Variants in WDFY2 observed in about 807,000 individuals in gnomAD.
The protein encoded by WDFY2 is WD repeat and FYVE domain-containing protein 2.
Under a neutral mutation model 56.4 loss-of-function variants are expected in WDFY2, and 36 were observed. The ratio of observed to expected loss-of-function variants is 0.64; its 90% CI spans 0.49 to 0.84. The LOEUF is 0.84. Among genes scored for constraint, WDFY2 ranks in the 40% least tolerant of loss-of-function variants. WDFY2 has a pLI of 0.00. For missense variants in WDFY2, 444 were observed against 512.2 expected, an observed-to-expected ratio of 0.87 and a Z score of 1.29; for synonymous variants, 176 against 183.7, an observed-to-expected ratio of 0.96 and a Z score of 0.34.
chr13:51,659,280 T>C (rs536943795), intron 1 of WDFY2, among the ~76,000 whole-genome samples: 2 of 152,176 alleles, frequency 1.3e-5, no homozygotes, highest in African/African-American at 4.8e-5. Flanking sequence ...GTGGCAGATA[T>C]CCAATATAAT....
intron 1 of WDFY2, among the ~76,000 whole-genome samples, chr13:51,636,687 CTT>C (rs1413693433): frequency 1.3e-5 from 2 of 152,174 alleles, no homozygotes; most frequent in African/African-American, 2.4e-5. Context: ...ACAGAATGCT[CTT>C]TGTCTTTGGA....
rs1214946212 is a variant in WDFY2, at chr13:51,584,506, C to T, written c.-182C>T. 20 of 818,260 alleles carry T rather than the reference C, an allele frequency of 2.4e-5. No homozygotes were observed. The highest frequency in any genetic ancestry group is 3.1e-5 in the Non-Finnish European group (17 of 553,066). 50.7% of individuals were successfully genotyped at this position (818,260 alleles called of 1,614,324 possible). A position where few individuals can be genotyped will look rare whatever the true frequency, so the allele number is the denominator to read the frequency against. On this transcript the variant is annotated 5_prime_UTR_variant, in exon 1 of 12. Coordinates refer to ENST00000298125, the MANE Select transcript of WDFY2 (RefSeq NM_052950.4). ...TCCCAGGTCGTGGCGGTTTTGGTGCCTGAAGCAGGGAGCGCGGAGTCGTTC... is the reference window on the plus strand; with the variant it reads ...TCCCAGGTCGTGGCGGTTTTGGTGCTTGAAGCAGGGAGCGCGGAGTCGTTC...
chr13:51,718,544 T>C (rs1346138605), intron 4 of WDFY2, among the ~76,000 whole-genome samples: 7 of 147,480 alleles, frequency 4.7e-5, no homozygotes. Context: ...GGAAATTTGC[T>C]CTTATTATCA....
In WDFY2 at chr13:51,763,191, C is replaced by T. The variant is rs1159290626; in HGVS notation, c.*3422C>T. ...AAGGAATAGCTGTTTTTGAACATTA[C>T]TTAGTAATGGCATGAGTGGGAGGAG... On this transcript the variant is annotated 3_prime_UTR_variant, in exon 12 of 12. Transcript: ENST00000298125. The T allele has an allele frequency of 6.6e-6, 1 of 152,130 alleles. No homozygotes were observed. Among genetic ancestry groups the T allele is most frequent in the South Asian group, 2.1e-4 (1 of 4,828 alleles). The allele number at this position is 152,130 out of a possible 1,614,324, so 9.4% of individuals were successfully genotyped here. A position where few individuals can be genotyped will look rare whatever the true frequency, so the allele number is the denominator to read the frequency against.
chr13:51,596,902 A>T (rs915764710), intron 1 of WDFY2, among the ~76,000 whole-genome samples: 2 of 152,216 alleles, frequency 1.3e-5, no homozygotes, highest in Non-Finnish European at 2.9e-5. Context: ...GAATAAGTTA[A>T]AATTCCAATA....
At chr13:51,715,536 A>G (rs564215729) in intron 4 of WDFY2, among the ~76,000 whole-genome samples, 1 of 152,192 alleles carries the variant, frequency 6.6e-6, no homozygotes, top group Non-Finnish European at 1.5e-5. Context: ...GTCACCTCCT[A>G]TCATAACAAT....
At chr13:51,654,343 G>A (rs894035978) in intron 1 of WDFY2, among the ~76,000 whole-genome samples, 1 of 152,140 alleles carries the variant, frequency 6.6e-6, no homozygotes, top group East Asian at 1.9e-4. Context: ...CTGACCCCTT[G>A]TGCTTCCCGG....
At chr13:51,758,919 C>CA (rs1188106879) in intron 11 of WDFY2, among the ~76,000 whole-genome samples, 1 of 152,158 alleles carries the variant, frequency 6.6e-6, no homozygotes, top group Non-Finnish European at 1.5e-5. Context: ...TGTGTTGACT[C>CA]ACGCCTATAA....
At chr13:51,759,244 C>T (rs560580274) in intron 11 of WDFY2, among the ~76,000 whole-genome samples, 1 of 152,032 alleles carries the variant, frequency 6.6e-6, no homozygotes, top group African/African-American at 2.4e-5. Flanking sequence ...TTTTTGAAAA[C>T]GAGGTATCTT....
chr13:51,672,998 G>A (rs1255724829), intron 2 of WDFY2, among the ~76,000 whole-genome samples: 4 of 152,140 alleles, frequency 2.6e-5, no homozygotes, highest in African/African-American at 9.7e-5. Context: ...GAACCAATAG[G>A]GTGAAATTGT....
intron 1 of WDFY2, among the ~76,000 whole-genome samples, chr13:51,638,254 C>T (rs1399815552): frequency 1.3e-5 from 2 of 151,984 alleles, no homozygotes; most frequent in Admixed American, 1.3e-4. Flanking sequence ...AAGAAGGGAT[C>T]AGAGAAGGAT....
At chr13:51,614,901 G>A (rs1954581920) in intron 1 of WDFY2, among the ~76,000 whole-genome samples, 2 of 152,274 alleles carry the variant, frequency 1.3e-5, no homozygotes, top group South Asian at 4.1e-4. Flanking sequence ...ATCTACACTG[G>A]GTGTTTTGCT....
At chr13:51,737,981 G>A (rs772023388) in intron 6 of WDFY2, among the ~76,000 whole-genome samples, 58 of 152,164 alleles carry the variant, frequency 3.8e-4, no homozygotes, top group Non-Finnish European at 6.0e-4. Context: ...CTTAAAAAAT[G>A]TCTTACTAAG....
chr13:51,699,550 A>C (rs1167744034), intron 3 of WDFY2, among the ~76,000 whole-genome samples: 1 of 152,246 alleles, frequency 6.6e-6, no homozygotes, highest in Non-Finnish European at 1.5e-5. Flanking sequence ...AAATTCATAA[A>C]ACAAGAAATG....
chr13:51,687,264 T>C (rs1956077140), intron 3 of WDFY2, among the ~76,000 whole-genome samples: 2 of 152,000 alleles, frequency 1.3e-5, no homozygotes, highest in Admixed American at 1.3e-4. Context: ...CATCAAAATA[T>C]ACCCTCCCCT....
In WDFY2 at chr13:51,759,951, C is replaced by A. The variant is rs551673478; in HGVS notation, c.*182C>A. The A allele has an allele frequency of 8.3e-5, 47 of 567,490 alleles. No homozygotes were observed. Among genetic ancestry groups the A allele is most frequent in the Non-Finnish European group, 1.3e-4 (42 of 314,334 alleles). 35.2% of individuals were successfully genotyped at this position (567,490 alleles called of 1,614,324 possible). A position where few individuals can be genotyped will look rare whatever the true frequency, so the allele number is the denominator to read the frequency against. On this transcript the variant is annotated 3_prime_UTR_variant, in exon 12 of 12. Coordinates refer to ENST00000298125, the MANE Select transcript of WDFY2 (RefSeq NM_052950.4). ...TGGCCAGTGAGCACTCGCAAGGGGA[C>A]TCTTCCAACTTGTTCATACAATATA...
intron 1 of WDFY2, among the ~76,000 whole-genome samples, chr13:51,605,886 G>C (rs1954377103): frequency 6.6e-6 from 1 of 152,178 alleles, no homozygotes; most frequent in African/African-American, 2.4e-5. Context: ...ATTTTATTAT[G>C]ATGAGTTGCT....
chr13:51,619,131 A>G (rs1194557131), intron 1 of WDFY2, among the ~76,000 whole-genome samples: 4 of 152,190 alleles, frequency 2.6e-5, no homozygotes, highest in African/African-American at 9.7e-5. Context: ...CATAAGACCT[A>G]CTTCCTCCAT....
At chr13:51,709,614 T>A (rs1029970187) in intron 4 of WDFY2, among the ~76,000 whole-genome samples, 1 of 152,048 alleles carries the variant, frequency 6.6e-6, no homozygotes, top group Admixed American at 6.6e-5. Flanking sequence ...TCACCACCGA[T>A]CCCACAGAAA....
Sources: gnomAD v4.1 joint callset for allele counts (sites outside exome capture counted in the v4.1 genomes callset) on GRCh38, gnomAD v4.1.1 for gene constraint, MANE v1.5 for transcripts, NCBI Gene and HGNC (gene_info 2026-07-23, HGNC 2026-07-21) for gene names.